LRRTM4: variants seen among roughly 807,000 people sequenced by gnomAD.
The protein encoded by LRRTM4 is leucine-rich repeat transmembrane neuronal protein 4.
Under a neutral mutation model 47.6 loss-of-function variants are expected in LRRTM4, and 25 were observed. The observed-to-expected ratio is 0.53, with a 90% CI of 0.38 to 0.73. LRRTM4 has a LOEUF of 0.73. LRRTM4 is among the 30% of genes least tolerant of loss of function. The pLI is 0.00. For missense variants in LRRTM4, 638 were observed against 713.4 expected, an observed-to-expected ratio of 0.89 and a Z score of 1.20; for synonymous variants, 311 against 269.5, an observed-to-expected ratio of 1.15 and a Z score of -1.51.
intron 3 of LRRTM4, among the ~76,000 whole-genome samples, chr2:76,858,284 G>T (rs1453678505): frequency 6.6e-6 from 1 of 152,152 alleles, no homozygotes; most frequent in Admixed American, 6.5e-5. Context: ...AAACAAAAAG[G>T]CTGACCCTCC....
intron 3 of LRRTM4, among the ~76,000 whole-genome samples, chr2:76,787,701 A>T (rs185651087): frequency 1.3e-5 from 2 of 152,080 alleles, no homozygotes; most frequent in African/African-American, 4.8e-5. Context: ...ATTCGGGTTG[A>T]TTCTTATCCC....
chr2:77,365,680 T>G (rs1672413231), intron 3 of LRRTM4, among the ~76,000 whole-genome samples: 1 of 151,546 alleles, frequency 6.6e-6, no homozygotes, highest in Admixed American at 6.6e-5. Flanking sequence ...TTTGGTTTAA[T>G]AAACTTGATG....
At chr2:76,760,244 G>C (rs764261842) in intron 3 of LRRTM4, among the ~76,000 whole-genome samples, 1 of 152,122 alleles carries the variant, frequency 6.6e-6, no homozygotes, top group African/African-American at 2.4e-5. Context: ...ACAAATATTT[G>C]CATACCTGGC....
At chr2:77,250,616 T>G (rs141685426) in intron 3 of LRRTM4, among the ~76,000 whole-genome samples, 1 of 152,206 alleles carries the variant, frequency 6.6e-6, no homozygotes, top group Non-Finnish European at 1.5e-5. Flanking sequence ...TATGCATTAA[T>G]TGGTAAAGTA....
intron 3 of LRRTM4, among the ~76,000 whole-genome samples, chr2:77,290,356 C>T (rs1349365940): frequency 2.1e-5 from 3 of 143,906 alleles, no homozygotes; most frequent in Non-Finnish European, 3.0e-5. Context: ...AATAAATAAA[C>T]TCATGGAGAT....
At chr2:76,808,988 G>A (rs1470758104) in intron 3 of LRRTM4, among the ~76,000 whole-genome samples, 2 of 152,158 alleles carry the variant, frequency 1.3e-5, no homozygotes, top group Non-Finnish European at 2.9e-5. Flanking sequence ...GATGCTTAGA[G>A]TGATTTTCAA....
chr2:76,876,868 A>G (rs1672793737), intron 3 of LRRTM4, among the ~76,000 whole-genome samples: 1 of 152,124 alleles, frequency 6.6e-6, no homozygotes, highest in Admixed American at 6.5e-5. Context: ...TAATAAATTG[A>G]TAAGCCAGGC....
At chr2:77,417,219 A>G (rs1413253343) in intron 3 of LRRTM4, among the ~76,000 whole-genome samples, 2 of 152,178 alleles carry the variant, frequency 1.3e-5, no homozygotes, top group South Asian at 2.1e-4. Flanking sequence ...TTAGAATGGC[A>G]GTCATTAAAA....
At chr2:76,871,586 G>A (rs1008974487) in intron 3 of LRRTM4, among the ~76,000 whole-genome samples, 4 of 152,104 alleles carry the variant, frequency 2.6e-5, no homozygotes, top group Non-Finnish European at 4.4e-5. Flanking sequence ...GATCTCCTAT[G>A]ATATCTTCCT....
intron 3 of LRRTM4, among the ~76,000 whole-genome samples, chr2:77,278,580 T>C (rs1267132883): frequency 6.6e-6 from 1 of 151,764 alleles, no homozygotes; most frequent in Non-Finnish European, 1.5e-5. Flanking sequence ...AAAAGGTATA[T>C]AGGAAGAATT....
chr2:77,117,023 G>A (rs1671406706), intron 3 of LRRTM4, among the ~76,000 whole-genome samples: 1 of 151,826 alleles, frequency 6.6e-6, no homozygotes, highest in African/African-American at 2.4e-5. Flanking sequence ...TGCCTTTTCT[G>A]GACATGTCAT....
intron 3 of LRRTM4, among the ~76,000 whole-genome samples, chr2:77,212,482 G>T (rs1235474944): frequency 8.0e-5 from 12 of 149,424 alleles, no homozygotes; most frequent in African/African-American, 2.9e-4. Flanking sequence ...TATAGAGAGA[G>T]AGAGAGAGAG....
At chr2:77,429,790 G>C (rs937996855) in intron 3 of LRRTM4, among the ~76,000 whole-genome samples, 2 of 152,168 alleles carry the variant, frequency 1.3e-5, no homozygotes, top group Non-Finnish European at 2.9e-5. Flanking sequence ...AATCTGCCAG[G>C]TGGGGTGTCT....
intron 3 of LRRTM4, among the ~76,000 whole-genome samples, chr2:77,372,146 G>T (rs1056842460): frequency 3.3e-5 from 5 of 151,714 alleles, no homozygotes; most frequent in African/African-American, 1.2e-4. Flanking sequence ...GTCTAACTTT[G>T]TGCAGGAGGA....
At chr2:77,243,877 G>A (rs1038643591) in intron 3 of LRRTM4, among the ~76,000 whole-genome samples, 4 of 137,014 alleles carry the variant, frequency 2.9e-5, no homozygotes, top group South Asian at 2.4e-4. Flanking sequence ...CCACTAACTC[G>A]TCATCTAGCC....
chr2:77,044,078 C>T (rs918782904), intron 3 of LRRTM4, among the ~76,000 whole-genome samples: 1 of 151,388 alleles, frequency 6.6e-6, no homozygotes, highest in Non-Finnish European at 1.5e-5. Context: ...TAAATAAAGA[C>T]AAAAATTATA....
chr2:76,976,030 T>C (rs1365565807), intron 3 of LRRTM4, among the ~76,000 whole-genome samples: 3 of 151,948 alleles, frequency 2.0e-5, no homozygotes, highest in South Asian at 2.1e-4. Flanking sequence ...TTTCCTTCTA[T>C]TGAATTATAA....
chr2:77,348,024 TACACAC>T (rs10597438), intron 3 of LRRTM4, among the ~76,000 whole-genome samples: 9 of 148,552 alleles, frequency 6.1e-5, no homozygotes, highest in African/African-American at 1.7e-4. Flanking sequence ...AAAACACAAG[TACACAC>T]ACACACACAC....
chr2:77,067,663 G>T (rs922326547), intron 3 of LRRTM4, among the ~76,000 whole-genome samples: 1 of 145,218 alleles, frequency 6.9e-6, no homozygotes, highest in African/African-American at 2.6e-5. Context: ...GAAGGATTAC[G>T]GTGATTGGTT....
Sources: allele counts gnomAD v4.1 joint callset (sites outside exome capture counted in the v4.1 genomes callset), GRCh38; gene constraint gnomAD v4.1.1; transcripts MANE v1.5; gene names NCBI Gene and HGNC (gene_info 2026-07-23, HGNC 2026-07-21).